The following WNT4 variants were observed in gnomAD, a reference collection of about 807,000 sequenced individuals.
WNT4 encodes protein Wnt-4.
WNT4 carries 16 observed loss-of-function variants against 34.5 expected under a neutral mutation model. The ratio of observed to expected loss-of-function variants is 0.46; its 90% CI spans 0.31 to 0.70. The LOEUF is 0.70. Among genes scored for constraint, WNT4 ranks in the 30% least tolerant of loss-of-function variants. WNT4 has a pLI of 0.04. For synonymous variants in WNT4, 200 were observed against 211.9 expected (o/e 0.94, Z 0.49); for missense variants, 379 against 495.9 (o/e 0.76, Z 2.24).
chr1:22,133,707 G>A (rs1011163621), intron 1 of WNT4, among the ~76,000 whole-genome samples: 1 of 152,220 alleles, frequency 6.6e-6, no homozygotes, highest in Non-Finnish European at 1.5e-5. Flanking sequence ...CCATGCCGTT[G>A]ATCAGGTTAC....
At chr1:22,129,196 A>G (rs1386335326) in intron 2 of WNT4, among the ~76,000 whole-genome samples, 3 of 152,176 alleles carry the variant, frequency 2.0e-5, no homozygotes, top group Admixed American at 6.5e-5. Context: ...TGGGGTGGGA[A>G]GAGCAGCGGG....
intron 1 of WNT4, among the ~76,000 whole-genome samples, chr1:22,135,039 G>A (rs1646011717): frequency 6.6e-6 from 1 of 152,140 alleles, no homozygotes; most frequent in Admixed American, 6.5e-5. Flanking sequence ...GTTTCCTGGC[G>A]ACTGTCAGTC....
intron 2 of WNT4, chr1:22,126,955 G>A: frequency 3.4e-6 from 1 of 296,370 alleles, no homozygotes; most frequent in Non-Finnish European, 6.6e-6. Flanking sequence ...GCCAATCCCT[G>A]CACCTTCTGA....
chr1:22,125,981 T>C (rs1645937607), intron 2 of WNT4, among the ~76,000 whole-genome samples: 2 of 152,208 alleles, frequency 1.3e-5, no homozygotes, highest in South Asian at 4.1e-4. Context: ...ATTTGTTGAT[T>C]ACCTATTATG....
At chr1:22,124,964 A>AT (rs1488080921) in intron 2 of WNT4, among the ~76,000 whole-genome samples, 1 of 152,170 alleles carries the variant, frequency 6.6e-6, no homozygotes, top group Admixed American at 6.5e-5. Flanking sequence ...GCCTTTCCAG[A>AT]TTCCTTTACT....
intron 2 of WNT4, chr1:22,127,159 G>C (rs972148805): frequency 2.5e-6 from 1 of 404,000 alleles, no homozygotes; most frequent in Admixed American, 2.7e-5. Context: ...AGTGTGACTG[G>C]CTTAGTCTCG....
At chr1:22,128,323 G>C (rs897332933) in intron 2 of WNT4, among the ~76,000 whole-genome samples, 4 of 152,202 alleles carry the variant, frequency 2.6e-5, no homozygotes, top group Non-Finnish European at 5.9e-5. Flanking sequence ...GCCTGAACAA[G>C]TCAAAGGGCC....
At chr1:22,121,156 G>GA in intron 4 of WNT4, 55 bp downstream of exon 4, 1 of 1,609,900 alleles carries the variant, frequency 6.2e-7, no homozygotes, top group Admixed American at 1.7e-5. Context: ...GAGAGTCTGG[G>GA]GCCCTGCCCA....
intron 2 of WNT4, among the ~76,000 whole-genome samples, chr1:22,123,700 C>G (rs1645919526): frequency 6.6e-6 from 1 of 152,156 alleles, no homozygotes. Flanking sequence ...AATTTGAGCC[C>G]AGGCAGCCAG....
intron 1 of WNT4, among the ~76,000 whole-genome samples, chr1:22,141,097 C>G (rs1218419759): frequency 1.3e-5 from 2 of 152,230 alleles, no homozygotes; most frequent in Non-Finnish European, 2.9e-5. Context: ...GTCAGAACAC[C>G]TGGGTTCAGT....
intron 1 of WNT4, among the ~76,000 whole-genome samples, chr1:22,131,366 C>A (rs939366771): frequency 6.6e-6 from 1 of 152,200 alleles, no homozygotes; most frequent in African/African-American, 2.4e-5. Context: ...GCCTGGGCCC[C>A]AGTCCCAGTG....
chr1:22,142,812 C>A lies in WNT4; in HGVS notation c.77+34G>T. On this transcript the variant is annotated intron_variant, in intron 1 of 4. Coordinates refer to ENST00000290167, the MANE Select transcript of WNT4 (RefSeq NM_030761.5). The surrounding 1 kb of genome is among the most constrained non-coding windows in gnomAD (Gnocchi z 6.0). Reference sequence around the variant, plus strand: ...CGCTGCCCCCGGGGCCTGCCCCGCCCCGCCCCGCCCCGCTCGGCCCCGGCC... The same window carrying A: ...CGCTGCCCCCGGGGCCTGCCCCGCCACGCCCCGCCCCGCTCGGCCCCGGCC... 8.7e-7 allele frequency: 1 copy of A among 1,150,372 alleles called. No individual in the cohort carries two copies. The highest frequency in any genetic ancestry group is 1.6e-5 in the South Asian group (1 of 61,210). 71.3% of individuals were successfully genotyped at this position (1,150,372 alleles called of 1,614,324 possible).
At chr1:22,121,602 G>A in intron 2 of WNT4, 26 bp from the exon 3 acceptor site, 1 of 1,609,792 alleles carries the variant, frequency 6.2e-7, no homozygotes, top group South Asian at 1.1e-5. Context: ...GGAGGGCAGA[G>A]CTGGGTCCCA....
Position 22,120,032 on chromosome 1 carries a change from G to A in WNT4, c.*18C>T, listed in dbSNP as rs764669771. ...CCTGGGCCACTAGGTGGTTGCCGGCGCAGGGCTAGGCAGGCGGTCATCGGC... is the reference window on the plus strand; with the variant it reads ...CCTGGGCCACTAGGTGGTTGCCGGCACAGGGCTAGGCAGGCGGTCATCGGC... On this transcript the variant is annotated 3_prime_UTR_variant, in exon 5 of 5. Transcript: ENST00000290167. The A allele has an allele frequency of 2.2e-5, 35 of 1,603,464 alleles. No individual in the cohort carries two copies. Among genetic ancestry groups the A allele is most frequent in the Middle Eastern group, 1.8e-4 (1 of 5,420 alleles).
rs1196243763 is a variant in WNT4, at chr1:22,140,941, G to A, written c.77+1905C>T. On this transcript the variant is annotated intron_variant, in intron 1 of 4. Coordinates refer to ENST00000290167, the MANE Select transcript of WNT4 (RefSeq NM_030761.5). The surrounding 1 kb of genome is among the most constrained non-coding windows in gnomAD (Gnocchi z 5.9). ...AACTGAGTTGTTGGAATTCCCCACA[G>A]TTTGCATGATCCAAAGCCGAGGCTG... 6.6e-6 allele frequency among the ~76,000 whole-genome samples: 1 copy of A among 152,238 alleles called. No individual in the cohort carries two copies. The highest frequency in any genetic ancestry group is 1.5e-5 in the Non-Finnish European group (1 of 68,028).
At chr1:22,129,560 G>C (rs2124118150) in intron 2 of WNT4, 56 bp downstream of exon 2, 2 of 1,563,928 alleles carry the variant, frequency 1.3e-6, no homozygotes, top group East Asian at 4.7e-5. Flanking sequence ...ATTTCCTGCT[G>C]GGCCCATGCC....
chr1:22,133,403 C>T (rs1053142210), intron 1 of WNT4, among the ~76,000 whole-genome samples: 1 of 152,134 alleles, frequency 6.6e-6, no homozygotes, highest in Non-Finnish European at 1.5e-5. Flanking sequence ...TAGTACTGGA[C>T]ACCTCAGGAT....
intron 1 of WNT4, 50 bp from the exon 2 acceptor site, chr1:22,129,901 G>A (rs1161026015): frequency 6.9e-6 from 11 of 1,602,208 alleles, no homozygotes; most frequent in Non-Finnish European, 9.4e-6. Context: ...CATCTTTCCT[G>A]GCCCCGGACC....
At chr1:22,127,065 A>G (rs1645945694) in intron 2 of WNT4, 1 of 346,766 alleles carries the variant, frequency 2.9e-6, no homozygotes. Flanking sequence ...TTTACTAGGG[A>G]AGAAAACCAA....
Sources: allele counts gnomAD v4.1 joint callset (sites outside exome capture counted in the v4.1 genomes callset), GRCh38; gene constraint gnomAD v4.1.1; non-coding constraint Gnocchi (gnomAD v3.1); transcripts MANE v1.5; gene names NCBI Gene and HGNC (gene_info 2026-07-23, HGNC 2026-07-21).